Variants in FBRSL1 observed in about 807,000 individuals in gnomAD.
FBRSL1 encodes the protein fibrosin like 1, also known as fibrosin-1-like protein.
Under a neutral mutation model 89.6 loss-of-function variants are expected in FBRSL1, and 51 were observed. That is an observed-to-expected ratio of 0.57 (90% CI 0.45 to 0.72). The LOEUF is 0.72. Among genes scored for constraint, FBRSL1 ranks in the 30% least tolerant of loss-of-function variants. The pLI is 0.00. For synonymous variants in FBRSL1, 779 were observed against 681.1 expected (o/e 1.14, Z -2.24); for missense variants, 1,618 against 1,451.8 (o/e 1.11, Z -1.86).
At chr12:132,498,041 G>A (rs1057214334) in intron 1 of FBRSL1, among the ~76,000 whole-genome samples, 4 of 152,154 alleles carry the variant, frequency 2.6e-5, no homozygotes, top group South Asian at 2.1e-4. Flanking sequence ...GAGAGCTGGG[G>A]GGCCCGTCAC....
At chr12:132,509,753 T>G in intron 2 of FBRSL1, 1 of 1,230,950 alleles carries the variant, frequency 8.1e-7, no homozygotes. Flanking sequence ...CGTGTCACTG[T>G]GGCCAGCCCG....
intron 11 of FBRSL1, among the ~76,000 whole-genome samples, chr12:132,573,296 T>C (rs1254266113): frequency 6.6e-6 from 1 of 152,142 alleles, no homozygotes; most frequent in African/African-American, 2.4e-5. Context: ...CGCCCACTCA[T>C]TGCCCACAGC....
At position 132,584,691 on chromosome 12, in the gene FBRSL1, C is replaced by T. The variant is rs1226753982; in HGVS notation, c.*913C>T. The T allele has an allele frequency of 2.0e-5, 3 of 152,382 alleles. No individual in the cohort carries two copies. The highest frequency in any genetic ancestry group is 4.4e-5 in the Non-Finnish European group (3 of 68,202). 9.4% of individuals were successfully genotyped at this position (152,382 alleles called of 1,614,324 possible). A position where few individuals can be genotyped will look rare whatever the true frequency, so the allele number is the denominator to read the frequency against. On this transcript the variant is annotated 3_prime_UTR_variant, in exon 19 of 19. Coordinates refer to ENST00000680143, the MANE Select transcript of FBRSL1 (RefSeq NM_001367871.1). ...AGCACTCCTGGGCGGCTCCTGTGGG[C>T]TTCAGGACTGGCCGGCTCCAGCCGC...
intron 1 of FBRSL1, among the ~76,000 whole-genome samples, chr12:132,500,831 A>C (rs1489027877): frequency 6.6e-6 from 1 of 151,960 alleles, no homozygotes; most frequent in African/African-American, 2.4e-5. Context: ...CCACAGCCCC[A>C]CCCTCTCTAA....
intron 14 of FBRSL1, 53 bp from the exon 15 acceptor site, chr12:132,576,746 G>A (rs1245589712): frequency 2.6e-5 from 39 of 1,519,248 alleles, no homozygotes; most frequent in Non-Finnish European, 3.0e-5. Context: ...TGGGCTCCCT[G>A]TGTTCAGGGC....
chr12:132,549,558 C>G (rs987584314), intron 5 of FBRSL1, among the ~76,000 whole-genome samples: 1 of 152,212 alleles, frequency 6.6e-6, no homozygotes, highest in African/African-American at 2.4e-5. Context: ...AAGACACCCT[C>G]CACAACCAAG....
chr12:132,517,167 G>A (rs1474839796), intron 2 of FBRSL1, among the ~76,000 whole-genome samples: 2 of 151,914 alleles, frequency 1.3e-5, no homozygotes, highest in Non-Finnish European at 2.9e-5. Flanking sequence ...GCCACCTGCA[G>A]GGAGCAGCAG....
At chr12:132,544,451 G>C (rs1566175081) in intron 4 of FBRSL1, among the ~76,000 whole-genome samples, 1 of 152,138 alleles carries the variant, frequency 6.6e-6, no homozygotes, top group East Asian at 1.9e-4. Context: ...GCACTGCCAG[G>C]GCTAAGAGAC....
Position 132,570,249 on chromosome 12 carries a change from C to G in FBRSL1, c.1007+8C>G. 3 of 1,491,360 alleles carry G rather than the reference C, an allele frequency of 2.0e-6. No individual in the cohort carries two copies. The highest frequency in any genetic ancestry group is 2.3e-5 in the Admixed American group (1 of 43,712). 92.4% of individuals were successfully genotyped at this position (1,491,360 alleles called of 1,614,324 possible). A position where few individuals can be genotyped will look rare whatever the true frequency, so the allele number is the denominator to read the frequency against. On this transcript the variant is annotated splice_region_variant and intron_variant, in intron 7 of 18. Coordinates refer to ENST00000680143, the MANE Select transcript of FBRSL1 (RefSeq NM_001367871.1). The stretch of plus-strand genomic sequence containing the variant: ...CGGCCTGCACGGCCTCAGGTGGGGT[C>G]CCCGCGGGGGACGGGGCCTGTGTGG...
chr12:132,517,155 C>T (rs1214643733), intron 2 of FBRSL1, among the ~76,000 whole-genome samples: 1 of 152,222 alleles, frequency 6.6e-6, no homozygotes, highest in East Asian at 1.9e-4. Flanking sequence ...GGGCCTGGGC[C>T]TGCCACCTGC....
chr12:132,572,704 T>A, intron 11 of FBRSL1, 82 bp downstream of exon 11: 1 of 996,350 alleles, frequency 1.0e-6, no homozygotes. Context: ...CGCCAAACTC[T>A]CTGCCCACAA....
intron 1 of FBRSL1, chr12:132,507,124 C>T (rs752336982): frequency 4.6e-5 from 40 of 874,630 alleles, no homozygotes; most frequent in African/African-American, 9.1e-5. Flanking sequence ...TATGCGGGGG[C>T]GGGTCCTCCT....
In FBRSL1 at chr12:132,502,679, G is replaced by GCCTGCCCCTTACACCAT. The variant is rs1291151422; in HGVS notation, c.292-5471_292-5455dup. Among the ~76,000 whole-genome samples, 6 of 151,920 alleles carry GCCTGCCCCTTACACCAT rather than the reference G, an allele frequency of 3.9e-5. No homozygotes were observed. The East Asian group carries it at 1.2e-3, about 30-fold the overall frequency. On this transcript the variant is annotated intron_variant, in intron 1 of 18. Coordinates refer to ENST00000680143, the MANE Select transcript of FBRSL1 (RefSeq NM_001367871.1). ...TAGCTCCACTGCAGTCCTCACACCA[G>GCCTGCCCCTTACACCAT]CCTGCCCCTTACACCATCCCCCACC...
At chr12:132,578,739 C>T (rs2040550053) in intron 15 of FBRSL1, among the ~76,000 whole-genome samples, 1 of 152,174 alleles carries the variant, frequency 6.6e-6, no homozygotes, top group Admixed American at 6.5e-5. Context: ...CTCACTCTCC[C>T]CTCACCGTGT....
chr12:132,574,076 C>T lies in FBRSL1; in HGVS notation c.1531-14C>T. On this transcript the variant is annotated splice_polypyrimidine_tract_variant and intron_variant, in intron 11 of 18. Transcript: ENST00000680143. The stretch of plus-strand genomic sequence containing the variant: ...GGCCCCAGGCGCACACAAGCTGTCT[C>T]TTTCTCCCCTCAGACTTCAAGCCCC... 7.8e-7 allele frequency: 1 copy of T among 1,284,938 alleles called. No individual in the cohort carries two copies. Among genetic ancestry groups the T allele is most frequent in the Non-Finnish European group, 9.8e-7 (1 of 1,016,216 alleles). 79.6% of individuals were successfully genotyped at this position (1,284,938 alleles called of 1,614,324 possible).
intron 1 of FBRSL1, chr12:132,507,530 G>A (rs958907975): frequency 5.8e-6 from 4 of 688,664 alleles, no homozygotes; most frequent in South Asian, 6.4e-5. Flanking sequence ...GAGATGGGAC[G>A]AGAGGGGACC....
intron 5 of FBRSL1, chr12:132,566,349 A>G (rs10781621): frequency 0.5 from 75,597 of 150,706 alleles, 19,591 homozygotes; most frequent in East Asian, 0.85. Context: ...GGATTTAAAC[A>G]TGTGAATTCT....
At chr12:132,515,622 A>G (rs1475079820) in intron 2 of FBRSL1, among the ~76,000 whole-genome samples, 3 of 152,088 alleles carry the variant, frequency 2.0e-5, no homozygotes, top group African/African-American at 7.2e-5. Context: ...GAGGCAGGCC[A>G]GGTGCGGTGG....
chr12:132,583,969 C>CTGTT lies in FBRSL1; in HGVS notation c.*192_*195dup. 1 of 286,306 alleles carries CTGTT rather than the reference C, an allele frequency of 3.5e-6. No homozygotes were observed. Among genetic ancestry groups the CTGTT allele is most frequent in the Non-Finnish European group, 6.5e-6 (1 of 154,784 alleles). The allele number at this position is 286,306 out of a possible 1,614,324, so 17.7% of individuals were successfully genotyped here. A position where few individuals can be genotyped will look rare whatever the true frequency, so the allele number is the denominator to read the frequency against. Reference sequence around the variant, plus strand: ...TTTGTTTTCCGAGTTTGGGATTCGGCTGTTGGGAAAAAAAAATCGCGTTTG... The same window carrying CTGTT: ...TTTGTTTTCCGAGTTTGGGATTCGGCTGTTTGTTGGGAAAAAAAAATCGCGTTTG... On this transcript the variant is annotated 3_prime_UTR_variant, in exon 19 of 19. Coordinates refer to ENST00000680143, the MANE Select transcript of FBRSL1 (RefSeq NM_001367871.1).
Sources: gnomAD v4.1 joint callset for allele counts (sites outside exome capture counted in the v4.1 genomes callset) on GRCh38, gnomAD v4.1.1 for gene constraint, MANE v1.5 for transcripts, NCBI Gene and HGNC (gene_info 2026-07-23, HGNC 2026-07-21) for gene names.